The following MACROD1 variants were observed in gnomAD, a reference collection of about 807,000 sequenced individuals.
MACROD1 encodes mono-ADP ribosylhydrolase 1, also known as ADP-ribose glycohydrolase MACROD1.
Under a neutral mutation model 41.4 loss-of-function variants are expected in MACROD1, and 31 were observed. The ratio of observed to expected loss-of-function variants is 0.75; its 90% CI spans 0.56 to 1.01. MACROD1 has a LOEUF of 1.01. Among genes scored for constraint, MACROD1 ranks in the 50% least tolerant of loss-of-function variants. MACROD1 has a pLI of 0.00. For synonymous variants in MACROD1, 252 were observed against 203.4 expected (o/e 1.24, Z -2.03); for missense variants, 473 against 460.0 (o/e 1.03, Z -0.26).
chr11:64,155,716 C>T (rs1206373525), intron 1 of MACROD1, among the ~76,000 whole-genome samples: 1 of 152,188 alleles, frequency 6.6e-6, no homozygotes, highest in Non-Finnish European at 1.5e-5. Flanking sequence ...GGGTCCCCAG[C>T]ACTTGGGGAG....
intron 3 of MACROD1, among the ~76,000 whole-genome samples, chr11:64,150,712 C>A (rs1045136668): frequency 6.6e-6 from 1 of 152,172 alleles, no homozygotes; most frequent in Non-Finnish European, 1.5e-5. Flanking sequence ...GGCTCCCATA[C>A]TCATCACAAT....
chr11:64,061,211 C>G (rs1348644656), intron 3 of MACROD1, among the ~76,000 whole-genome samples: 2 of 152,224 alleles, frequency 1.3e-5, no homozygotes, highest in African/African-American at 4.8e-5. Flanking sequence ...GCTTCTAACC[C>G]CTGTAATAAA....
intron 3 of MACROD1, among the ~76,000 whole-genome samples, chr11:64,106,189 T>C (rs1590916472): frequency 6.6e-6 from 1 of 151,970 alleles, no homozygotes; most frequent in Non-Finnish European, 1.5e-5. Context: ...AGACATCGAG[T>C]CTGAGGCCTG....
At chr11:64,026,598 T>C (rs889443192) in intron 3 of MACROD1, among the ~76,000 whole-genome samples, 4 of 152,184 alleles carry the variant, frequency 2.6e-5, no homozygotes, top group Admixed American at 2.0e-4. Context: ...CGTGTTAAAA[T>C]ATAAATTAGA....
At chr11:64,062,438 T>C (rs558556801) in intron 3 of MACROD1, among the ~76,000 whole-genome samples, 1 of 152,282 alleles carries the variant, frequency 6.6e-6, no homozygotes, top group East Asian at 1.9e-4. Context: ...CAACTGGGCA[T>C]AGGCGGAAGG....
At chr11:64,117,443 C>T (rs775892492) in intron 3 of MACROD1, 4 of 1,613,048 alleles carry the variant, frequency 2.5e-6, no homozygotes, top group South Asian at 2.2e-5. Flanking sequence ...ATGCGGCTGC[C>T]AAGACCACGG....
intron 4 of MACROD1, among the ~76,000 whole-genome samples, chr11:64,010,772 AGTTG>A (rs1942999405): frequency 1.1e-5 from 1 of 87,188 alleles, no homozygotes; most frequent in African/African-American, 4.7e-5. Flanking sequence ...GGTTGGCACG[AGTTG>A]GTTGGGGTGT....
chr11:64,096,281 C>T lies in MACROD1; in HGVS notation c.517+54958G>A, dbSNP rs904809563. ...GCCAATTTCCTGAAAGAAGAGGTTC[C>T]GGCCTTGGCTGGTGGCGCCAGGTTC... On this transcript the variant is annotated intron_variant, in intron 3 of 10. Coordinates refer to ENST00000255681, the MANE Select transcript of MACROD1 (RefSeq NM_014067.4). The surrounding 1 kb of genome is among the most constrained non-coding windows in gnomAD (Gnocchi z 4.6). Among the ~76,000 whole-genome samples the T allele has an allele frequency of 8.5e-5, 13 of 152,224 alleles. No individual in the cohort carries two copies. The highest frequency in any genetic ancestry group is 1.7e-4 in the African/African-American group (7 of 41,462).
At chr11:64,127,213 T>G (rs2134648021) in intron 3 of MACROD1, among the ~76,000 whole-genome samples, 1 of 152,266 alleles carries the variant, frequency 6.6e-6, no homozygotes, top group East Asian at 1.9e-4. Flanking sequence ...TATTTTCTGT[T>G]TGTCTATTTT....
intron 3 of MACROD1, among the ~76,000 whole-genome samples, chr11:64,149,380 C>G (rs1271017754): frequency 6.6e-6 from 1 of 152,158 alleles, no homozygotes; most frequent in Non-Finnish European, 1.5e-5. Flanking sequence ...CACAGAGAAA[C>G]TCAGCCAGCA....
At chr11:64,152,509 C>T (rs1017947234) in intron 1 of MACROD1, 116 bp from the exon 2 acceptor site, 3 of 800,276 alleles carry the variant, frequency 3.7e-6, no homozygotes, top group African/African-American at 1.7e-5. Context: ...TCCTGTCCCT[C>T]CTTCTCTGGG....
chr11:64,147,585 G>T (rs1239115382), intron 3 of MACROD1, among the ~76,000 whole-genome samples: 1 of 151,180 alleles, frequency 6.6e-6, no homozygotes, highest in African/African-American at 2.4e-5. Flanking sequence ...ATCACGCCTG[G>T]CTAATTTTTG....
chr11:64,005,611 A>T (rs549060068), intron 4 of MACROD1, among the ~76,000 whole-genome samples: 2 of 152,358 alleles, frequency 1.3e-5, no homozygotes, highest in African/African-American at 4.8e-5. Context: ...GCCGAGTCTC[A>T]TACCTCTCTG....
At chr11:64,011,705 G>T (rs1380525232) in intron 4 of MACROD1, among the ~76,000 whole-genome samples, 1 of 151,978 alleles carries the variant, frequency 6.6e-6, no homozygotes, top group Admixed American at 6.6e-5. Context: ...GGGCAGAGTG[G>T]CCAGGGCAGG....
At chr11:64,106,457 C>T (rs1944764970) in intron 3 of MACROD1, among the ~76,000 whole-genome samples, 2 of 152,216 alleles carry the variant, frequency 1.3e-5, no homozygotes, top group Non-Finnish European at 2.9e-5. Context: ...CAAGGCAGAC[C>T]ATGTCCTAAC....
chr11:64,136,644 C>T (rs554958789), intron 3 of MACROD1, among the ~76,000 whole-genome samples: 5 of 152,334 alleles, frequency 3.3e-5, no homozygotes, highest in African/African-American at 4.8e-5. Context: ...GCAGACCCAC[C>T]GGAGAGGGTC....
chr11:64,016,004 A>G (rs895506150), intron 3 of MACROD1, among the ~76,000 whole-genome samples: 5 of 152,288 alleles, frequency 3.3e-5, no homozygotes, highest in South Asian at 2.1e-4. Flanking sequence ...GTGAAGGTCA[A>G]TGGAGAGGGG....
At chr11:64,009,692 G>C (rs1213705295) in intron 4 of MACROD1, among the ~76,000 whole-genome samples, 1 of 152,106 alleles carries the variant, frequency 6.6e-6, no homozygotes, top group Non-Finnish European at 1.5e-5. Context: ...GCAGGCACAG[G>C]AGTCCTGTGC....
intron 4 of MACROD1, among the ~76,000 whole-genome samples, chr11:64,012,895 G>A (rs573543122): frequency 7.9e-5 from 12 of 152,144 alleles, no homozygotes; most frequent in Non-Finnish European, 1.6e-4. Flanking sequence ...GAGGGCAGTG[G>A]CGCAATCATG....
Sources: allele counts gnomAD v4.1 joint callset (sites outside exome capture counted in the v4.1 genomes callset), GRCh38; gene constraint gnomAD v4.1.1; non-coding constraint Gnocchi (gnomAD v3.1); transcripts MANE v1.5; gene names NCBI Gene and HGNC (gene_info 2026-07-23, HGNC 2026-07-21).